Variants in TSNARE1 observed in about 807,000 individuals in gnomAD.
TSNARE1 encodes the protein t-SNARE domain-containing protein 1.
In TSNARE1, 49 loss-of-function variants were observed where a neutral mutation model predicts 62.0. That is an observed-to-expected ratio of 0.79 (90% confidence interval 0.63 to 1.00). TSNARE1 has a LOEUF of 1.00. Among genes scored for constraint, TSNARE1 ranks in the 50% least tolerant of loss-of-function variants. The probability of loss-of-function intolerance (pLI) is 0.00; values close to 1 mark genes in which losing one functional copy is unlikely to be tolerated. For synonymous variants in TSNARE1, 328 were observed against 294.4 expected, an observed-to-expected ratio of 1.11 and a Z score of -1.17; for missense variants, 755 against 700.1, an observed-to-expected ratio of 1.08 and a Z score of -0.88.
chr8:142,226,364 G>A (rs576467672), intron 13 of TSNARE1, among the ~76,000 whole-genome samples: 4 of 152,264 alleles, frequency 2.6e-5, no homozygotes, highest in South Asian at 2.1e-4. Flanking sequence ...GGCAGCAGGC[G>A]GGGGTCCTCT....
intron 12 of TSNARE1, among the ~76,000 whole-genome samples, chr8:142,250,659 G>A (rs1818117364): frequency 6.6e-6 from 1 of 152,210 alleles, no homozygotes; most frequent in Non-Finnish European, 1.5e-5. Flanking sequence ...TAGGCAACAG[G>A]CGCTGGGGAG....
chr8:142,325,577 C>T (rs879669190), intron 6 of TSNARE1, among the ~76,000 whole-genome samples: 9 of 152,076 alleles, frequency 5.9e-5, no homozygotes, highest in African/African-American at 1.4e-4. Flanking sequence ...GGCAGGGTGG[C>T]GTGGGGTCCT....
At chr8:142,349,312 G>A (rs1021233744) in intron 2 of TSNARE1, among the ~76,000 whole-genome samples, 2 of 151,950 alleles carry the variant, frequency 1.3e-5, no homozygotes, top group African/African-American at 2.4e-5. Flanking sequence ...ATTTAGAACT[G>A]AAAAAAAATT....
chr8:142,274,673 C>T (rs1356336258), intron 12 of TSNARE1, 108 bp downstream of exon 12: 1 of 1,373,624 alleles, frequency 7.3e-7, no homozygotes, highest in Non-Finnish European at 9.4e-7. Flanking sequence ...CATGCCCCTC[C>T]CAGGCACAGG....
chr8:142,330,950 G>C lies in TSNARE1; in HGVS notation c.844C>G (p.Leu282Val), dbSNP rs748982919. ...NSSVTSLERS[L>V]QSLGTPSDTQ... ...TCACTCGGTGTCCCTAAGGACTGAA[G>C]GCTCCGCTCCAAGGAGGTCACTGCC... The change falls in exon 6 of 14, where the codon CTT (leucine) becomes GTT (valine). Residue 282 changes from leucine (L) to valine (V), a missense_variant. Leu to Val is a conservative substitution (Grantham distance 32). Coordinates refer to ENST00000524325, the MANE Select transcript of TSNARE1 (RefSeq NM_145003.5). The C allele has an allele frequency of 2.3e-5, 37 of 1,613,968 alleles. No homozygotes were observed. Among genetic ancestry groups the C allele is most frequent in the Non-Finnish European group, 2.9e-5 (34 of 1,179,996 alleles).
intron 10 of TSNARE1, among the ~76,000 whole-genome samples, chr8:142,298,296 G>A (rs1044980111): frequency 1.7e-4 from 26 of 152,364 alleles, no homozygotes; most frequent in African/African-American, 5.0e-4. Flanking sequence ...ACCACACAGA[G>A]TGCCAGAGGG....
intron 12 of TSNARE1, among the ~76,000 whole-genome samples, chr8:142,249,998 C>T (rs1319798996): frequency 6.6e-6 from 1 of 152,166 alleles, no homozygotes; most frequent in African/African-American, 2.4e-5. Flanking sequence ...CCGGGGGATG[C>T]CGAGCTCTGC....
intron 12 of TSNARE1, among the ~76,000 whole-genome samples, chr8:142,244,881 A>G (rs1817822934): frequency 6.6e-6 from 1 of 152,276 alleles, no homozygotes; most frequent in South Asian, 2.1e-4. Context: ...AGCGGAAGGC[A>G]TCGGCCAGAG....
intron 10 of TSNARE1, among the ~76,000 whole-genome samples, chr8:142,298,756 G>A (rs980764918): frequency 5.3e-5 from 8 of 152,136 alleles, no homozygotes; most frequent in South Asian, 4.1e-4. Context: ...AGCCTGAGCC[G>A]CCCGAGGGGC....
At chr8:142,318,443 C>T in intron 7 of TSNARE1, 101 bp downstream of exon 7, 2 of 1,194,254 alleles carry the variant, frequency 1.7e-6, no homozygotes, top group South Asian at 1.4e-5. Flanking sequence ...CCACACACGT[C>T]AGCCTCCCTG....
chr8:142,329,930 G>T (rs767953430), intron 6 of TSNARE1, among the ~76,000 whole-genome samples: 15 of 152,278 alleles, frequency 9.9e-5, no homozygotes, highest in Non-Finnish European at 2.1e-4. Flanking sequence ...GGCGCCTGCG[G>T]ATTTTGAACG....
At chr8:142,297,935 G>A (rs1454031604) in intron 10 of TSNARE1, among the ~76,000 whole-genome samples, 1 of 152,214 alleles carries the variant, frequency 6.6e-6, no homozygotes, top group East Asian at 1.9e-4. Context: ...TTGCTGGCAT[G>A]AAGATCCACA....
At chr8:142,323,409 G>A (rs1829776624) in intron 6 of TSNARE1, among the ~76,000 whole-genome samples, 1 of 152,244 alleles carries the variant, frequency 6.6e-6, no homozygotes, top group African/African-American at 2.4e-5. Flanking sequence ...GGTCTCCAGA[G>A]TGGACAGTGA....
intron 8 of TSNARE1, among the ~76,000 whole-genome samples, chr8:142,314,662 A>G (rs1292758120): frequency 6.6e-6 from 1 of 152,106 alleles, no homozygotes; most frequent in Non-Finnish European, 1.5e-5. Context: ...GCCGGGGCTG[A>G]GCTCTGCCAG....
In TSNARE1 at chr8:142,281,349, G is replaced by A. The variant is rs375793587; in HGVS notation, c.1363+3064C>T. On this transcript the variant is annotated intron_variant, in intron 11 of 13. Transcript: ENST00000524325. ...TGGCAGCAGCAGGTATAGACAGGGC[G>A]GGATGAATGGGTCAGAGCCCTCCAG... 1.6e-4 allele frequency among the ~76,000 whole-genome samples: 24 copies of A among 152,186 alleles called. No homozygotes were observed. In the South Asian group the frequency reaches 1.9e-3, roughly 12 times the overall value.
At chr8:142,253,725 C>A (rs1818289867) in intron 12 of TSNARE1, among the ~76,000 whole-genome samples, 1 of 152,266 alleles carries the variant, frequency 6.6e-6, no homozygotes, top group Admixed American at 6.5e-5. Context: ...ATCACTTCAT[C>A]CCCAAGTGGC....
At chr8:142,346,579 G>A (rs1488197443) in intron 2 of TSNARE1, among the ~76,000 whole-genome samples, 1 of 152,240 alleles carries the variant, frequency 6.6e-6, no homozygotes, top group Non-Finnish European at 1.5e-5. Context: ...GCACCCCAGA[G>A]TCACAGACAC....
chr8:142,338,413 C>A (rs1033905464), intron 4 of TSNARE1, among the ~76,000 whole-genome samples: 2 of 152,254 alleles, frequency 1.3e-5, no homozygotes, highest in Non-Finnish European at 2.9e-5. Context: ...GGCACCCACA[C>A]AGCCACTCCA....
At position 142,314,976 on chromosome 8, in the gene TSNARE1, C is replaced by T. The variant is rs112600476; in HGVS notation, c.1074+27G>A. ...AGGCCGACCCCACCTGGCCTGCAGA[C>T]CCCCACTGCCCCCACCAGCACCTCA... On this transcript the variant is annotated intron_variant, in intron 8 of 13. Transcript: ENST00000524325. The T allele has an allele frequency of 6.8e-6, 11 of 1,611,132 alleles. No individual in the cohort carries two copies. In the African/African-American group the frequency reaches 9.3e-5, roughly 14 times the overall value.
Sources: gnomAD v4.1 joint callset for allele counts (sites outside exome capture counted in the v4.1 genomes callset) on GRCh38, gnomAD v4.1.1 for gene constraint, MANE v1.5 for transcripts, NCBI Gene and HGNC (gene_info 2026-07-23, HGNC 2026-07-21) for gene names.